NFATC2IP: variants seen among roughly 807,000 people sequenced by gnomAD.
NFATC2IP encodes nuclear factor of activated T cells 2 interacting protein.
In NFATC2IP, 25 loss-of-function variants were observed where a neutral mutation model predicts 40.2. The ratio of observed to expected loss-of-function variants is 0.62; its 90% CI spans 0.45 to 0.87. NFATC2IP has a LOEUF of 0.87. Ranked by LOEUF, NFATC2IP falls within the 40% of genes least tolerant of loss-of-function variation. The pLI is 0.00. For synonymous variants in NFATC2IP, 241 were observed against 236.3 expected (o/e 1.02, Z -0.18); for missense variants, 553 against 555.6 (o/e 1.00, Z 0.05).
chr16:28,961,615 A>G (rs966944220), intron 7 of NFATC2IP, among the ~76,000 whole-genome samples: 1 of 151,898 alleles, frequency 6.6e-6, no homozygotes, highest in South Asian at 2.1e-4. Context: ...CAAAAAAGAG[A>G]CAGGGCCAGA....
chr16:28,963,108 G>C (rs1965105434), intron 7 of NFATC2IP, among the ~76,000 whole-genome samples: 3 of 152,136 alleles, frequency 2.0e-5, no homozygotes, highest in African/African-American at 7.2e-5. Context: ...CTTGAACCCA[G>C]GAGGCAGAGG....
intron 1 of NFATC2IP, among the ~76,000 whole-genome samples, chr16:28,951,835 A>C (rs1330609959): frequency 6.6e-6 from 1 of 152,006 alleles, no homozygotes; most frequent in Non-Finnish European, 1.5e-5. Context: ...TGGTCGTGTG[A>C]GCAATGGGCT....
intron 1 of NFATC2IP, 92 bp from the exon 2 acceptor site, chr16:28,952,040 G>T: frequency 6.4e-7 from 1 of 1,556,050 alleles, no homozygotes; most frequent in Non-Finnish European, 8.8e-7. Flanking sequence ...GAGGATTTGG[G>T]AGCTGGGTGT....
At chr16:28,962,496 AC>A (rs1189114877) in intron 7 of NFATC2IP, among the ~76,000 whole-genome samples, 1 of 152,046 alleles carries the variant, frequency 6.6e-6, no homozygotes, top group Non-Finnish European at 1.5e-5. Context: ...TGGTGACTCA[AC>A]CTTCACTCTC....
intron 5 of NFATC2IP, chr16:28,957,799 G>A (rs1210249390): frequency 1.3e-5 from 2 of 152,074 alleles, no homozygotes; most frequent in Non-Finnish European, 2.9e-5. Context: ...AAATATACGA[G>A]TTTGTTGTCA....
At chr16:28,951,781 G>A (rs577447171) in intron 1 of NFATC2IP, among the ~76,000 whole-genome samples, 1 of 152,178 alleles carries the variant, frequency 6.6e-6, no homozygotes, top group Non-Finnish European at 1.5e-5. Context: ...GGTCCATGCG[G>A]GTTCAGAGAG....
chr16:28,959,209 AC>A, intron 7 of NFATC2IP, 109 bp downstream of exon 7: 2 of 693,254 alleles, frequency 2.9e-6, no homozygotes, highest in Non-Finnish European at 5.1e-6. Context: ...CTTGCAGGAG[AC>A]ACTGCCCTCC....
chr16:28,958,643 T>G, intron 5 of NFATC2IP, 74 bp from the exon 6 acceptor site: 2 of 1,258,342 alleles, frequency 1.6e-6, no homozygotes, highest in Non-Finnish European at 2.3e-6. Flanking sequence ...CCAGAGCTTG[T>G]GTTTGGGTGG....
At chr16:28,962,740 G>T (rs1965100738) in intron 7 of NFATC2IP, among the ~76,000 whole-genome samples, 1 of 152,148 alleles carries the variant, frequency 6.6e-6, no homozygotes, top group African/African-American at 2.4e-5. Context: ...AGTCCCTCAG[G>T]GTCTCTTCAT....
chr16:28,959,688 C>T (rs1965063186), intron 7 of NFATC2IP, among the ~76,000 whole-genome samples: 2 of 150,830 alleles, frequency 1.3e-5, no homozygotes, highest in African/African-American at 2.4e-5. Flanking sequence ...ATTCTCTTTC[C>T]TCAGCCTCCC....
chr16:28,959,770 G>A (rs371643146), intron 7 of NFATC2IP, among the ~76,000 whole-genome samples: 8 of 152,096 alleles, frequency 5.3e-5, no homozygotes, highest in African/African-American at 1.9e-4. Flanking sequence ...GTTTCACCAT[G>A]TTGGCCAGGC....
At chr16:28,951,541 G>A (rs1964967687) in intron 1 of NFATC2IP, 143 bp downstream of exon 1, 7 of 736,676 alleles carry the variant, frequency 9.5e-6, no homozygotes, top group Non-Finnish European at 1.4e-5. Flanking sequence ...GGGTGTTGGA[G>A]GCAGGGAGAG....
At chr16:28,959,960 CT>C (rs1453358300) in intron 7 of NFATC2IP, among the ~76,000 whole-genome samples, 1 of 152,168 alleles carries the variant, frequency 6.6e-6, no homozygotes, top group Non-Finnish European at 1.5e-5. Flanking sequence ...CTTCTGGAGC[CT>C]AGAAGTCTGA....
Position 28,963,705 on chromosome 16 carries a change from G to C in NFATC2IP, c.1102G>C (p.Asp368His). 6.2e-7 allele frequency: 1 copy of C among 1,613,822 alleles called. No individual in the cohort carries two copies. The highest frequency in any genetic ancestry group is 8.5e-7 in the Non-Finnish European group (1 of 1,179,830). ...HQTLEVSLSR[D>H]SPLKTLMSHY... ...TCCATTTTCTTTTGTCTCCATCCAG[G>C]ATTCCCCTCTAAAGACCCTCATGTC... Residue 368 changes from aspartate to histidine, a missense_variant and splice_region_variant, in exon 8 of 8, where the codon GAT becomes CAT. By Grantham distance (81) the Asp-to-His change is moderately conservative (BLOSUM62 -1). Transcript: ENST00000320805.
At position 28,959,055 on chromosome 16, in the gene NFATC2IP, G is replaced by T; in HGVS notation, c.1056G>T (p.Val352=). The T allele has an allele frequency of 6.2e-7, 1 of 1,614,026 alleles. No homozygotes were observed. The highest frequency in any genetic ancestry group is 8.5e-7 in the Non-Finnish European group (1 of 1,179,886). ...CGTCCCAACAGCTCCAGCTCCGGGT[G>T]CAGGGAAAGGAGAAACACCAGACAC... is the stretch of plus-strand genomic sequence containing the variant. The part of the protein sequence containing the change: ...TETSQQLQLR[V]QGKEKHQTLE... The change falls in exon 7 of 8, where the codon GTG becomes GTT. Residue 352 remains valine, a synonymous_variant. Transcript: ENST00000320805.
intron 7 of NFATC2IP, among the ~76,000 whole-genome samples, chr16:28,962,199 C>T (rs1472966535): frequency 6.6e-6 from 1 of 152,178 alleles, no homozygotes; most frequent in Non-Finnish European, 1.5e-5. Context: ...AGCCACTGCA[C>T]CTCGCCCCCT....
chr16:28,958,422 C>T (rs977116054), intron 5 of NFATC2IP: 2 of 295,316 alleles, frequency 6.8e-6, no homozygotes, highest in African/African-American at 4.4e-5. Context: ...CAGTGCCAAT[C>T]AGCTGGAGCT....
chr16:28,962,046 G>A (rs1391141253), intron 7 of NFATC2IP, among the ~76,000 whole-genome samples: 1 of 152,114 alleles, frequency 6.6e-6, no homozygotes, highest in Non-Finnish European at 1.5e-5. Context: ...TGGGACTACA[G>A]GTGTGTGCCA....
Position 28,956,064 on chromosome 16 carries a change from A to G in NFATC2IP, c.659+6A>G. The G allele has an allele frequency of 6.2e-7, 1 of 1,614,038 alleles. No homozygotes were observed. The highest frequency in any genetic ancestry group is 1.1e-5 in the South Asian group (1 of 91,076). Reference sequence around the variant, plus strand: ...CGGGCACTCAAGAAGTTAAGGTGCCAAGTGCAGGGGCTCTGGCTGGGATGG... The same window carrying G: ...CGGGCACTCAAGAAGTTAAGGTGCCGAGTGCAGGGGCTCTGGCTGGGATGG... On this transcript the variant is annotated splice_donor_region_variant and intron_variant, in intron 4 of 7. Transcript: ENST00000320805.
Sources: allele counts gnomAD v4.1 joint callset (sites outside exome capture counted in the v4.1 genomes callset), GRCh38; gene constraint gnomAD v4.1.1; transcripts MANE v1.5; gene names NCBI Gene and HGNC (gene_info 2026-07-23, HGNC 2026-07-21).